The following AGBL1 variants were observed in gnomAD, a reference collection of about 807,000 sequenced individuals.
AGBL1 encodes the protein cytosolic carboxypeptidase 4.
Under a neutral mutation model 118.9 loss-of-function variants are expected in AGBL1, and 130 were observed. That is an observed-to-expected ratio of 1.09 (90% CI 0.95 to 1.26). The LOEUF (loss-of-function observed/expected upper bound fraction) is 1.26, where lower values mean the gene tolerates loss of function less well. AGBL1 is among the 50% of genes most tolerant of loss of function. The pLI, the probability that AGBL1 is intolerant of heterozygous loss-of-function variation, is 0.00. For synonymous variants in AGBL1, 555 were observed against 478.9 expected (o/e 1.16, Z -2.08); for missense variants, 1,584 against 1,298.1 (o/e 1.22, Z -3.38).
At chr15:86,144,666 A>C (rs2077009210) in intron 3 of AGBL1, among the ~76,000 whole-genome samples, 1 of 152,154 alleles carries the variant, frequency 6.6e-6, no homozygotes, top group African/African-American at 2.4e-5. Flanking sequence ...CTGTCAGAGG[A>C]TGGAGGGTAA....
At position 86,914,609 on chromosome 15, in the gene AGBL1, A is replaced by C. The variant is rs1408190381; in HGVS notation, c.*7315A>C. ...GACCATCGCAGGTGTCATCATGTTT[A>C]AGCCTAAAACTTCAGCCCAACGAGC... On this transcript the variant is annotated 3_prime_UTR_variant, in exon 23 of 23. Transcript: ENST00000614907. 1 of 152,166 alleles carries C rather than the reference A, an allele frequency of 6.6e-6. No individual in the cohort carries two copies. The highest frequency in any genetic ancestry group is 2.4e-5 in the African/African-American group (1 of 41,418). 9.4% of individuals were successfully genotyped at this position (152,166 alleles called of 1,614,324 possible). A position where few individuals can be genotyped will look rare whatever the true frequency, so the allele number is the denominator to read the frequency against.
chr15:86,702,278 C>A (rs1439016505), intron 22 of AGBL1, among the ~76,000 whole-genome samples: 1 of 151,892 alleles, frequency 6.6e-6, no homozygotes, highest in East Asian at 1.9e-4. Flanking sequence ...GAATATTATA[C>A]CTGTAATAAT....
chr15:86,653,386 G>A (rs1488527083), intron 21 of AGBL1, among the ~76,000 whole-genome samples: 7 of 152,006 alleles, frequency 4.6e-5, no homozygotes, highest in African/African-American at 7.3e-5. Context: ...ATACCACAAA[G>A]CCCCTGCTCT....
chr15:86,593,551 CT>C (rs2084366740), intron 21 of AGBL1, among the ~76,000 whole-genome samples: 1 of 152,134 alleles, frequency 6.6e-6, no homozygotes, highest in African/African-American at 2.4e-5. Context: ...CATTATTTTT[CT>C]GCATGATTCA....
chr15:86,920,201 G>A (rs1024596355), downstream of AGBL1, among the ~76,000 whole-genome samples: 5 of 152,158 alleles, frequency 3.3e-5, no homozygotes, highest in African/African-American at 1.2e-4. Context: ...TCTGAATTCA[G>A]TTCCTTGTGG....
At chr15:86,985,643 T>C (rs771717831) in intron 23 of AGBL1, among the ~76,000 whole-genome samples, 1 of 152,150 alleles carries the variant, frequency 6.6e-6, no homozygotes, top group African/African-American at 2.4e-5. Flanking sequence ...TTATCAGATT[T>C]GTGTTGTGTC....
At chr15:87,030,513 A>G (rs2081773738), downstream of AGBL1, among the ~76,000 whole-genome samples, 1 of 151,962 alleles carries the variant, frequency 6.6e-6, no homozygotes, top group Admixed American at 6.6e-5. Flanking sequence ...TAACAAAATC[A>G]TTGGTGTTTA....
At chr15:86,980,235 A>G (rs1255561801) in intron 23 of AGBL1, among the ~76,000 whole-genome samples, 3 of 152,216 alleles carry the variant, frequency 2.0e-5, no homozygotes, top group African/African-American at 4.8e-5. Context: ...GGTTGGTACA[A>G]GAATTTCACC....
At chr15:86,758,975 A>G (rs910845742) in intron 22 of AGBL1, among the ~76,000 whole-genome samples, 4 of 147,638 alleles carry the variant, frequency 2.7e-5, no homozygotes, top group Admixed American at 1.3e-4. Flanking sequence ...TCAAAAAAAA[A>G]AAAAAAAAAG....
chr15:86,242,214 A>G (rs1353871935), intron 6 of AGBL1, among the ~76,000 whole-genome samples: 1 of 152,174 alleles, frequency 6.6e-6, no homozygotes, highest in Non-Finnish European at 1.5e-5. Flanking sequence ...GTATGTCTTT[A>G]TTAGCAGCAT....
intron 4 of AGBL1, among the ~76,000 whole-genome samples, chr15:86,155,172 A>C (rs1180197548): frequency 6.6e-6 from 1 of 152,224 alleles, no homozygotes; most frequent in Non-Finnish European, 1.5e-5. Flanking sequence ...AAGAAACTTT[A>C]AAGAGTAAAG....
intron 24 of AGBL1, among the ~76,000 whole-genome samples, chr15:87,017,823 T>G (rs2081622413): frequency 6.6e-6 from 1 of 152,128 alleles, no homozygotes; most frequent in Non-Finnish European, 1.5e-5. Context: ...GAAGTAGGCT[T>G]CAGAAGGTGG....
In AGBL1 at chr15:86,500,518, T is replaced by A. The variant is rs542191760; in HGVS notation, c.2556-22292T>A. 0.024 allele frequency among the ~76,000 whole-genome samples: 4 copies of A among 168 alleles called. No individual in the cohort carries two copies. The East Asian group carries it at 0.29, about 12-fold the overall frequency. 0.1% of individuals were successfully genotyped at this position (168 alleles called of 152,430 possible). A position where few individuals can be genotyped will look rare whatever the true frequency, so the allele number is the denominator to read the frequency against. On this transcript the variant is annotated intron_variant, in intron 18 of 22. Coordinates refer to ENST00000614907, the MANE Select transcript of AGBL1 (RefSeq NM_001386094.1). ...TTACATTTTAAAAATCAGGATATAA[T>A]TCATATACCATTGCTATTCAGTTAT...
intron 21 of AGBL1, among the ~76,000 whole-genome samples, chr15:86,583,944 A>G (rs1289532044): frequency 6.6e-6 from 1 of 150,672 alleles, no homozygotes; most frequent in Admixed American, 6.7e-5. Context: ...ATTATTAGTG[A>G]TGTGGAACGT....
chr15:87,008,089 C>T (rs757092222), intron 24 of AGBL1, among the ~76,000 whole-genome samples: 1 of 152,152 alleles, frequency 6.6e-6, no homozygotes, highest in African/African-American at 2.4e-5. Flanking sequence ...ATGCAGATAG[C>T]TGGTAAGGCA....
At chr15:86,917,492 C>T (rs541184634), downstream of AGBL1, among the ~76,000 whole-genome samples, 5 of 152,308 alleles carry the variant, frequency 3.3e-5, no homozygotes, top group East Asian at 7.7e-4. This position sits in a 1 kb window ranked among gnomAD's most constrained non-coding sequence, Gnocchi z 4.8. Context: ...ACTGAATGTT[C>T]CGGCCACTGT....
chr15:86,617,314 C>A (rs972597873), intron 21 of AGBL1, among the ~76,000 whole-genome samples: 1 of 152,158 alleles, frequency 6.6e-6, no homozygotes, highest in Non-Finnish European at 1.5e-5. Context: ...TTCAGAGTCA[C>A]TGTTTTCTTC....
At chr15:86,633,420 T>C (rs2085011608) in intron 21 of AGBL1, among the ~76,000 whole-genome samples, 1 of 152,164 alleles carries the variant, frequency 6.6e-6, no homozygotes, top group South Asian at 2.1e-4. Flanking sequence ...TGAAATGATA[T>C]ATATACTGTA....
At chr15:86,755,020 C>A (rs1319806930) in intron 22 of AGBL1, among the ~76,000 whole-genome samples, 1 of 152,042 alleles carries the variant, frequency 6.6e-6, no homozygotes, top group African/African-American at 2.4e-5. Flanking sequence ...TTATCAGAAA[C>A]CTTTCATTGC....
Sources: gnomAD v4.1 joint callset for allele counts (sites outside exome capture counted in the v4.1 genomes callset) on GRCh38, gnomAD v4.1.1 for gene constraint, Gnocchi (gnomAD v3.1) non-coding constraint, MANE v1.5 for transcripts, NCBI Gene and HGNC (gene_info 2026-07-23, HGNC 2026-07-21) for gene names.